TMEM154: variants seen among roughly 807,000 people sequenced by gnomAD.
TMEM154 encodes the protein transmembrane protein 154.
A neutral mutation model predicts 24.5 loss-of-function variants in TMEM154; 27 were observed. The ratio of observed to expected loss-of-function variants is 1.10; its 90% CI spans 0.81 to 1.52. The LOEUF (loss-of-function observed/expected upper bound fraction) is 1.52, where lower values mean the gene tolerates loss of function less well. Ranked by LOEUF, TMEM154 falls within the 40% of genes most tolerant of loss-of-function variation. The pLI is 0.00. For missense variants in TMEM154, 228 were observed against 213.4 expected (o/e 1.07, Z -0.43); for synonymous variants, 67 against 76.8 (o/e 0.87, Z 0.67).
chr4:152,657,976 T>A (rs1035562981), intron 1 of TMEM154, among the ~76,000 whole-genome samples: 5 of 152,172 alleles, frequency 3.3e-5, no homozygotes, highest in African/African-American at 1.2e-4. Flanking sequence ...AAAGAAATGC[T>A]TAAGGGAGTC....
intron 3 of TMEM154, among the ~76,000 whole-genome samples, 179 bp downstream of exon 3, chr4:152,652,359 T>C (rs1316073350): frequency 6.6e-6 from 1 of 150,914 alleles, no homozygotes; most frequent in Non-Finnish European, 1.5e-5. Flanking sequence ...GAAATTCAAT[T>C]AAACTTTTTT....
chr4:152,677,484 C>T (rs1728973357), intron 1 of TMEM154, among the ~76,000 whole-genome samples: 1 of 152,210 alleles, frequency 6.6e-6, no homozygotes, highest in Non-Finnish European at 1.5e-5. Context: ...TAGAAAGTAA[C>T]TCATATCCTG....
chr4:152,668,131 C>T (rs1465172361), intron 1 of TMEM154, among the ~76,000 whole-genome samples: 1 of 152,160 alleles, frequency 6.6e-6, no homozygotes, highest in Non-Finnish European at 1.5e-5. Flanking sequence ...GCATTTTTGA[C>T]CGCCTGACTA....
At position 152,652,587 on chromosome 4, in the gene TMEM154, G is replaced by A; in HGVS notation, c.326-11C>T. On this transcript the variant is annotated splice_polypyrimidine_tract_variant and intron_variant, in intron 2 of 6. Transcript: ENST00000304385. Reference sequence around the variant, plus strand: ...CTTGGCTAGAAGGTTCTGTATCAAAGCAAAGAATATTTTGTTTTATTGATT... The same window carrying A: ...CTTGGCTAGAAGGTTCTGTATCAAAACAAAGAATATTTTGTTTTATTGATT... 1 of 1,613,792 alleles carries A rather than the reference G, an allele frequency of 6.2e-7. No homozygotes were observed. The highest frequency in any genetic ancestry group is 8.5e-7 in the Non-Finnish European group (1 of 1,179,888).
Position 152,622,464 on chromosome 4 carries a change from ATATCT to A in TMEM154, c.*6077_*6081del, listed in dbSNP as rs1331351433. The A allele has an allele frequency of 7.2e-5, 11 of 152,214 alleles. No individual in the cohort carries two copies. Among genetic ancestry groups the A allele is most frequent in the Admixed American group, 1.3e-4 (2 of 15,288 alleles). 9.4% of individuals were successfully genotyped at this position (152,214 alleles called of 1,614,324 possible). On this transcript the variant is annotated 3_prime_UTR_variant, in exon 7 of 7. Coordinates refer to ENST00000304385, the MANE Select transcript of TMEM154 (RefSeq NM_152680.3). ...GTAAATAAAACATTTTAGTAAACAA[ATATCT>A]TATCCTCAAATACACTTTTATTCTA...
intron 6 of TMEM154, among the ~76,000 whole-genome samples, chr4:152,629,567 C>T (rs1047611753): frequency 3.1e-4 from 47 of 152,310 alleles, no homozygotes; most frequent in Middle Eastern, 3.4e-3. Flanking sequence ...TTCCCTTCCT[C>T]GCGCTTCTCT....
intron 3 of TMEM154, among the ~76,000 whole-genome samples, chr4:152,646,369 C>T (rs1171401954): frequency 2.0e-5 from 3 of 152,272 alleles, no homozygotes; most frequent in East Asian, 1.9e-4. Flanking sequence ...AAGCTTTCTA[C>T]GGCCTCATCT....
chr4:152,662,608 C>T (rs76815757), intron 1 of TMEM154, among the ~76,000 whole-genome samples: 10 of 143,674 alleles, frequency 7.0e-5, no homozygotes, highest in East Asian at 2.0e-4. Context: ...CAAGGGATTT[C>T]CCCCAAAACA....
Position 152,623,262 on chromosome 4 carries a change from G to A in TMEM154, c.*5284C>T, listed in dbSNP as rs1054398522. ...ACTCTGCATCACTTGTAAAACAAAA[G>A]AAAGTCAAACACAGTGTTTTTTTTT... is the stretch of plus-strand genomic sequence containing the variant. On this transcript the variant is annotated 3_prime_UTR_variant, in exon 7 of 7. Coordinates refer to ENST00000304385, the MANE Select transcript of TMEM154 (RefSeq NM_152680.3). 2.0e-5 allele frequency: 3 copies of A among 151,656 alleles called. No individual in the cohort carries two copies. Among genetic ancestry groups the A allele is most frequent in the African/African-American group, 7.3e-5 (3 of 41,320 alleles). 9.4% of individuals were successfully genotyped at this position (151,656 alleles called of 1,614,324 possible). A position where few individuals can be genotyped will look rare whatever the true frequency, so the allele number is the denominator to read the frequency against.
intron 1 of TMEM154, among the ~76,000 whole-genome samples, chr4:152,654,765 T>G (rs2149785275): frequency 6.6e-6 from 1 of 152,356 alleles, no homozygotes; most frequent in East Asian, 1.9e-4. Context: ...CCTTTGATCT[T>G]GAACTTCCCA....
At chr4:152,671,838 T>A (rs974870020) in intron 1 of TMEM154, among the ~76,000 whole-genome samples, 1 of 151,126 alleles carries the variant, frequency 6.6e-6, no homozygotes, top group African/African-American at 2.4e-5. Context: ...TGAGTATTGT[T>A]TTGGAACTGA....
intron 5 of TMEM154, 129 bp from the exon 6 acceptor site, chr4:152,641,114 G>A (rs912369902): frequency 6.2e-5 from 43 of 693,896 alleles, no homozygotes; most frequent in South Asian, 1.2e-4. Context: ...GCCTCACCAA[G>A]GAGTGATAGT....
chr4:152,660,681 C>T (rs1256528207), intron 1 of TMEM154, among the ~76,000 whole-genome samples: 1 of 152,160 alleles, frequency 6.6e-6, no homozygotes, highest in African/African-American at 2.4e-5. Flanking sequence ...GGGAGGAATG[C>T]AATGCTTGCA....
At chr4:152,633,166 G>A (rs904144296) in intron 6 of TMEM154, among the ~76,000 whole-genome samples, 13 of 152,040 alleles carry the variant, frequency 8.6e-5, no homozygotes, top group African/African-American at 2.9e-4. Context: ...ACAAGAACTT[G>A]TTTAACTTAA....
chr4:152,676,848 T>A (rs1299473152), intron 1 of TMEM154, among the ~76,000 whole-genome samples: 1 of 152,206 alleles, frequency 6.6e-6, no homozygotes, highest in Admixed American at 6.5e-5. Context: ...TTCCTCTCTG[T>A]TTGGCCACCA....
At chr4:152,631,386 C>A (rs1752039758) in intron 6 of TMEM154, among the ~76,000 whole-genome samples, 1 of 152,166 alleles carries the variant, frequency 6.6e-6, no homozygotes, top group Non-Finnish European at 1.5e-5. Context: ...TAATTTCTTC[C>A]TTTGCTGAAT....
intron 6 of TMEM154, among the ~76,000 whole-genome samples, chr4:152,637,793 C>T (rs1229010702): frequency 6.6e-6 from 1 of 152,150 alleles, no homozygotes; most frequent in Non-Finnish European, 1.5e-5. Context: ...TAACAATTCA[C>T]AAGCTTTTAG....
At chr4:152,658,664 C>T (rs891120779) in intron 1 of TMEM154, among the ~76,000 whole-genome samples, 2 of 130,348 alleles carry the variant, frequency 1.5e-5, no homozygotes, top group Non-Finnish European at 3.4e-5. Context: ...AATACAAAAA[C>T]TAGCTGGGCA....
At position 152,620,119 on chromosome 4, in the gene TMEM154, G is replaced by A. The variant is rs1006008355; in HGVS notation, c.*8427C>T. 6.6e-6 allele frequency: 1 copy of A among 152,142 alleles called. No homozygotes were observed. The highest frequency in any genetic ancestry group is 2.1e-4 in the South Asian group (1 of 4,824). 9.4% of individuals were successfully genotyped at this position (152,142 alleles called of 1,614,324 possible). The stretch of plus-strand genomic sequence containing the variant: ...TGCAAGCCAGCACGACTATGGCTGT[G>A]AAGAGGCAACATGCCAGTCTGCTTG... On this transcript the variant is annotated 3_prime_UTR_variant, in exon 7 of 7. Transcript: ENST00000304385.
Sources: allele counts gnomAD v4.1 joint callset (sites outside exome capture counted in the v4.1 genomes callset), GRCh38; gene constraint gnomAD v4.1.1; transcripts MANE v1.5; gene names NCBI Gene and HGNC (gene_info 2026-07-23, HGNC 2026-07-21).